The following TBC1D10A variants were observed in gnomAD, a reference collection of about 807,000 sequenced individuals.
The protein encoded by TBC1D10A is EBP50-PDX interactor of 64 kDa.
Under a neutral mutation model 52.9 loss-of-function variants are expected in TBC1D10A, and 24 were observed. The observed-to-expected ratio is 0.45, with a 90% confidence interval of 0.33 to 0.64. The LOEUF (loss-of-function observed/expected upper bound fraction) is 0.64. TBC1D10A is among the 30% of genes least tolerant of loss of function. The probability of loss-of-function intolerance (pLI) is 0.02; values close to 1 mark genes in which losing one functional copy is unlikely to be tolerated. For synonymous variants in TBC1D10A, 278 were observed against 282.9 expected (o/e 0.98, Z 0.17); for missense variants, 602 against 687.9 (o/e 0.88, Z 1.40).
At chr22:30,325,747 C>T (rs1447294661) in intron 1 of TBC1D10A, among the ~76,000 whole-genome samples, 1 of 152,078 alleles carries the variant, frequency 6.6e-6, no homozygotes, top group Non-Finnish European at 1.5e-5. Flanking sequence ...TGGGTGCTCT[C>T]GGGATAGGAC....
chr22:30,317,324 C>CT (rs1930559833), intron 1 of TBC1D10A, among the ~76,000 whole-genome samples: 1 of 152,166 alleles, frequency 6.6e-6, no homozygotes, highest in Non-Finnish European at 1.5e-5. Context: ...ATGAGAATCG[C>CT]TTGAACCGGA....
intron 1 of TBC1D10A, among the ~76,000 whole-genome samples, chr22:30,314,690 T>C (rs560181065): frequency 6.1e-4 from 93 of 151,998 alleles, no homozygotes; most frequent in Admixed American, 1.6e-3. Context: ...TGCATGTCTG[T>C]AGTCGTAGCT....
intron 1 of TBC1D10A, among the ~76,000 whole-genome samples, chr22:30,325,095 T>C (rs1004561174): frequency 6.6e-6 from 1 of 152,194 alleles, no homozygotes; most frequent in African/African-American, 2.4e-5. Flanking sequence ...AGGTCCCCAC[T>C]AAGTTCTCAC....
chr22:30,317,322 C>T (rs1260091917), intron 1 of TBC1D10A, among the ~76,000 whole-genome samples: 4 of 152,104 alleles, frequency 2.6e-5, no homozygotes, highest in Non-Finnish European at 5.9e-5. Flanking sequence ...GCATGAGAAT[C>T]GCTTGAACCG....
In TBC1D10A at chr22:30,292,372, G is replaced by C; in HGVS notation, c.*3C>G. 1 of 1,531,638 alleles carries C rather than the reference G, an allele frequency of 6.5e-7. No individual in the cohort carries two copies. The highest frequency in any genetic ancestry group is 1.3e-5 in the South Asian group (1 of 77,882). 94.9% of individuals were successfully genotyped at this position (1,531,638 alleles called of 1,614,324 possible). On this transcript the variant is annotated 3_prime_UTR_variant, in exon 9 of 9. Coordinates refer to ENST00000215790, the MANE Select transcript of TBC1D10A (RefSeq NM_031937.3). Reference sequence around the variant, plus strand: ...CCCGCCCTGGAGGCCTTAGCTGCCAGGGTTACAAGTAGGTGTCCTCACTCT... The same window carrying C: ...CCCGCCCTGGAGGCCTTAGCTGCCACGGTTACAAGTAGGTGTCCTCACTCT...
intron 1 of TBC1D10A, 110 bp downstream of exon 1, chr22:30,326,563 G>T (rs1342210194): frequency 2.8e-6 from 3 of 1,066,062 alleles, no homozygotes; most frequent in Admixed American, 3.0e-5. Context: ...GGGGATTAGT[G>T]GTCCCTGCCT....
chr22:30,316,447 CTGTTTT>C (rs147454819), intron 1 of TBC1D10A, among the ~76,000 whole-genome samples: 1,767 of 149,666 alleles, frequency 0.012, 36 homozygotes, highest in African/African-American at 0.041. Context: ...TCTCAAAGCA[CTGTTTT>C]TGTTTTTGTT....
At chr22:30,301,026 A>G (rs1362692850) in intron 2 of TBC1D10A, among the ~76,000 whole-genome samples, 4 of 152,184 alleles carry the variant, frequency 2.6e-5, no homozygotes, top group Non-Finnish European at 5.9e-5. Context: ...TGGGGCATTG[A>G]GGGTAGGGGA....
At chr22:30,308,292 ATGCCTGCATGCCTGCCTGCCTGCATGCC>A (rs1467719900) in intron 1 of TBC1D10A, among the ~76,000 whole-genome samples, 3 of 78,718 alleles carry the variant, frequency 3.8e-5, no homozygotes, top group African/African-American at 1.5e-4. Flanking sequence ...GCATGCCTGC[ATGCCTGCATGCCTGCCTGCCTGCATGCC>A]TGCATGCCTG....
chr22:30,308,340 C>CTGCCTGCATGCCTGCA (rs1164549528), intron 1 of TBC1D10A, among the ~76,000 whole-genome samples: 4 of 38,752 alleles, frequency 1.0e-4, no homozygotes, highest in African/African-American at 4.3e-4. Context: ...GCATGCCTGC[C>CTGCCTGCATGCCTGCA]TGCCTGCCTG....
chr22:30,305,520 C>T (rs1483836127), intron 1 of TBC1D10A: 1 of 152,306 alleles, frequency 6.6e-6, no homozygotes, highest in African/African-American at 2.4e-5. Flanking sequence ...AAAACCCAGA[C>T]TCAAATACAA....
chr22:30,308,129 T>C (rs1261852225), intron 1 of TBC1D10A, among the ~76,000 whole-genome samples: 2 of 152,238 alleles, frequency 1.3e-5, no homozygotes, highest in African/African-American at 2.4e-5. Context: ...ATCCAAGGCT[T>C]AGTAATGTTA....
chr22:30,294,100 T>C lies in TBC1D10A; in HGVS notation c.716A>G (p.Gln239Arg). 1 of 1,613,836 alleles carries C rather than the reference T, an allele frequency of 6.2e-7. No individual in the cohort carries two copies. The highest frequency in any genetic ancestry group is 8.5e-7 in the Non-Finnish European group (1 of 1,179,968). The change falls in exon 7 of 9, where the codon CAG (glutamine) becomes CGG (arginine). Residue 239 changes from glutamine (Q) to arginine (R), a missense_variant. Gln to Arg is a conservative substitution (Grantham distance 43). Around this residue, in one of 3 missense-constraint regions of TBC1D10A, gnomAD observed 136 missense variants for 208.4 expected, o/e 0.65. Coordinates refer to ENST00000215790, the MANE Select transcript of TBC1D10A (RefSeq NM_031937.3). ...GYYSEKLEAI[Q>R]LDGEILFSLL... ...CGAGAAAAGGATCTCCCCGTCCAGC[T>C]GGATCGCCTCCTAGGGAGACATCGA...
chr22:30,320,221 G>C (rs1298375597), intron 1 of TBC1D10A, among the ~76,000 whole-genome samples: 1 of 152,188 alleles, frequency 6.6e-6, no homozygotes, highest in African/African-American at 2.4e-5. Flanking sequence ...TCTGGCCTAT[G>C]GGAGGACTAA....
intron 3 of TBC1D10A, chr22:30,296,202 G>C: frequency 4.7e-6 from 1 of 214,638 alleles, no homozygotes; most frequent in Admixed American, 5.3e-5. Flanking sequence ...CTGAGCAATA[G>C]CTACCAGCTG....
chr22:30,295,873 G>A, intron 3 of TBC1D10A, 30 bp from the exon 4 acceptor site: 1 of 1,594,406 alleles, frequency 6.3e-7, no homozygotes, highest in Non-Finnish European at 8.6e-7. Flanking sequence ...TTAGGGGCTG[G>A]GGAGGATGGA....
intron 1 of TBC1D10A, among the ~76,000 whole-genome samples, chr22:30,310,476 T>A (rs934806121): frequency 6.6e-6 from 1 of 152,114 alleles, no homozygotes; most frequent in Non-Finnish European, 1.5e-5. Flanking sequence ...AAATTCTAAC[T>A]CCTGGCCGCT....
chr22:30,299,397 G>GC, intron 3 of TBC1D10A, 47 bp downstream of exon 3: 1 of 1,580,078 alleles, frequency 6.3e-7, no homozygotes, highest in Non-Finnish European at 8.7e-7. Flanking sequence ...TGGGGAGGAC[G>GC]CCAAGAGATG....
At chr22:30,316,180 G>A (rs1260672759) in intron 1 of TBC1D10A, among the ~76,000 whole-genome samples, 1 of 152,166 alleles carries the variant, frequency 6.6e-6, no homozygotes, top group East Asian at 1.9e-4. Context: ...GAGGGACACC[G>A]ATCCTGCACA....
Sources: allele counts gnomAD v4.1 joint callset (sites outside exome capture counted in the v4.1 genomes callset), GRCh38; gene constraint gnomAD v4.1.1; regional missense constraint gnomAD v4.1.1; transcripts MANE v1.5; gene names NCBI Gene and HGNC (gene_info 2026-07-23, HGNC 2026-07-21).